CFAP20DC: variants seen among roughly 807,000 people sequenced by gnomAD.
CFAP20DC encodes CFAP20 domain containing, also known as protein CFAP20DC.
Under a neutral mutation model 101.7 loss-of-function variants are expected in CFAP20DC, and 84 were observed. That is an observed-to-expected ratio of 0.83 (90% CI 0.69 to 0.99). The LOEUF (loss-of-function observed/expected upper bound fraction) is 0.99, where lower values mean the gene tolerates loss of function less well. CFAP20DC is among the 50% of genes least tolerant of loss of function. CFAP20DC has a pLI of 0.00. For synonymous variants in CFAP20DC, 359 were observed against 351.2 expected, an observed-to-expected ratio of 1.02 and a Z score of -0.25; for missense variants, 1,007 against 970.3, an observed-to-expected ratio of 1.04 and a Z score of -0.50.
intron 4 of CFAP20DC, among the ~76,000 whole-genome samples, chr3:58,997,328 A>G (rs942121153): frequency 1.3e-5 from 2 of 152,212 alleles, no homozygotes; most frequent in Non-Finnish European, 2.9e-5. Context: ...ACAAATGTTA[A>G]ACATAGTAAG....
chr3:59,045,239 A>G (rs1417190620), intron 3 of CFAP20DC, among the ~76,000 whole-genome samples: 1 of 152,072 alleles, frequency 6.6e-6, no homozygotes, highest in Non-Finnish European at 1.5e-5. Context: ...TGGCACATAA[A>G]GCACAGAACC....
intron 15 of CFAP20DC, among the ~76,000 whole-genome samples, chr3:58,774,259 T>C (rs2071119890): frequency 6.6e-6 from 1 of 152,184 alleles, no homozygotes; most frequent in Non-Finnish European, 1.5e-5. Flanking sequence ...GTTTTCTTGA[T>C]TAACAAAGCT....
chr3:58,747,008 C>A (rs772990539), intron 16 of CFAP20DC, among the ~76,000 whole-genome samples: 3 of 152,048 alleles, frequency 2.0e-5, no homozygotes, highest in African/African-American at 2.4e-5. Context: ...CAATTATATT[C>A]TTGGATAGAG....
chr3:58,986,128 G>A (rs983753803), intron 4 of CFAP20DC, among the ~76,000 whole-genome samples: 2 of 152,158 alleles, frequency 1.3e-5, no homozygotes, highest in African/African-American at 4.8e-5. Flanking sequence ...TACATAGTCT[G>A]CGAAAATATA....
intron 4 of CFAP20DC, among the ~76,000 whole-genome samples, chr3:58,947,050 A>G (rs2089463807): frequency 6.6e-6 from 1 of 152,238 alleles, no homozygotes; most frequent in African/African-American, 2.4e-5. Context: ...GAGACCTACT[A>G]AAGCCTAAAA....
At chr3:59,025,178 T>C (rs999144207) in intron 4 of CFAP20DC, among the ~76,000 whole-genome samples, 1 of 152,200 alleles carries the variant, frequency 6.6e-6, no homozygotes, top group Non-Finnish European at 1.5e-5. Flanking sequence ...TGCCAGGACT[T>C]CTTGCAGTTG....
At chr3:58,743,545 C>T (rs1438306002) in intron 16 of CFAP20DC, among the ~76,000 whole-genome samples, 9 of 152,166 alleles carry the variant, frequency 5.9e-5, no homozygotes, top group Admixed American at 5.9e-4. Context: ...AAACCCCAAA[C>T]CCAACCCAAC....
At chr3:58,811,128 C>T (rs1192659135) in intron 14 of CFAP20DC, among the ~76,000 whole-genome samples, 1 of 152,084 alleles carries the variant, frequency 6.6e-6, no homozygotes, top group East Asian at 1.9e-4. Flanking sequence ...GGCCATACTG[C>T]CCAAGGTAAT....
chr3:58,963,128 A>C (rs2091274196), intron 4 of CFAP20DC, among the ~76,000 whole-genome samples: 1 of 150,810 alleles, frequency 6.6e-6, no homozygotes, highest in Non-Finnish European at 1.5e-5. Flanking sequence ...AAAAGGAGGG[A>C]CTGCAGCAGC....
At chr3:58,789,451 C>G (rs1575645248) in intron 15 of CFAP20DC, among the ~76,000 whole-genome samples, 1 of 152,070 alleles carries the variant, frequency 6.6e-6, no homozygotes, top group East Asian at 1.9e-4. Flanking sequence ...GTACTGATTT[C>G]CATTTTCTTT....
intron 3 of CFAP20DC, among the ~76,000 whole-genome samples, chr3:58,725,535 G>A (rs114721883): frequency 0.011 from 1,704 of 152,294 alleles, 40 homozygotes; most frequent in African/African-American, 0.038. Flanking sequence ...GGTGTCAGTC[G>A]CATGACCACA....
intron 4 of CFAP20DC, among the ~76,000 whole-genome samples, chr3:59,003,448 A>G (rs927142575): frequency 6.6e-6 from 1 of 152,228 alleles, no homozygotes; most frequent in African/African-American, 2.4e-5. Flanking sequence ...GACTGCTTTT[A>G]TAGTTGGATT....
At chr3:58,923,236 C>T (rs1047223070) in intron 5 of CFAP20DC, among the ~76,000 whole-genome samples, 3 of 152,224 alleles carry the variant, frequency 2.0e-5, no homozygotes, top group African/African-American at 7.2e-5. Context: ...TTGCTTTAAA[C>T]AATCAAATAC....
intron 4 of CFAP20DC, among the ~76,000 whole-genome samples, chr3:59,005,636 C>T (rs971952011): frequency 6.6e-6 from 1 of 152,148 alleles, no homozygotes; most frequent in Non-Finnish European, 1.5e-5. Flanking sequence ...TAACATCTTG[C>T]TTAATATCCC....
chr3:58,844,623 G>C, intron 13 of CFAP20DC, among the ~76,000 whole-genome samples: 2 of 113,268 alleles, frequency 1.8e-5, no homozygotes, highest in Admixed American at 8.6e-5. Flanking sequence ...AGTCAACAAG[G>C]ATACCCAGGA....
In CFAP20DC at chr3:58,728,271, T is replaced by C. The variant is rs1559525716; in HGVS notation, c.198-10643A>G. The C allele has an allele frequency of 6.6e-6, 1 of 152,222 alleles. No individual in the cohort carries two copies. 9.4% of individuals were successfully genotyped at this position (152,222 alleles called of 1,614,324 possible). A position where few individuals can be genotyped will look rare whatever the true frequency, so the allele number is the denominator to read the frequency against. On this transcript the variant is annotated intron_variant, in intron 3 of 3. Transcript: ENST00000486145. The surrounding 1 kb of genome is among the most constrained non-coding windows in gnomAD (Gnocchi z 4.7). Reference sequence around the variant, plus strand: ...AATGTAATGGGACTGCCTTGAAAGTTTTGCATAGGAAAATACCTTTGGCTG... The same window carrying C: ...AATGTAATGGGACTGCCTTGAAAGTCTTGCATAGGAAAATACCTTTGGCTG...
At chr3:58,771,423 A>AAAAC (rs970852847) in intron 15 of CFAP20DC, among the ~76,000 whole-genome samples, 3 of 152,104 alleles carry the variant, frequency 2.0e-5, no homozygotes, top group African/African-American at 7.2e-5. Flanking sequence ...AAACAAGCAA[A>AAAAC]AAACAAAAAC....
At chr3:58,783,829 A>G (rs544749522) in intron 15 of CFAP20DC, among the ~76,000 whole-genome samples, 1 of 152,200 alleles carries the variant, frequency 6.6e-6, no homozygotes, top group African/African-American at 2.4e-5. Context: ...GATGGCAAGG[A>G]TGTGGAGAAA....
At chr3:58,818,007 T>C (rs1289025208) in intron 14 of CFAP20DC, among the ~76,000 whole-genome samples, 1 of 150,664 alleles carries the variant, frequency 6.6e-6, no homozygotes, top group East Asian at 2.0e-4. Flanking sequence ...AAGAAAAGAA[T>C]TTTCAACCCA....
Sources: allele counts gnomAD v4.1 joint callset (sites outside exome capture counted in the v4.1 genomes callset), GRCh38; gene constraint gnomAD v4.1.1; non-coding constraint Gnocchi (gnomAD v3.1); transcripts MANE v1.5; gene names NCBI Gene and HGNC (gene_info 2026-07-23, HGNC 2026-07-21).